FRMPD1: variants seen among roughly 807,000 people sequenced by gnomAD.
The protein encoded by FRMPD1 is FERM and PDZ domain containing 1.
FRMPD1 carries 76 observed loss-of-function variants against 117.8 expected under a neutral mutation model. The ratio of observed to expected loss-of-function variants is 0.65; its 90% CI spans 0.54 to 0.78. The LOEUF (loss-of-function observed/expected upper bound fraction) is 0.78, where lower values mean the gene tolerates loss of function less well. Ranked by LOEUF, FRMPD1 falls within the 30% of genes least tolerant of loss-of-function variation. The pLI, the probability that FRMPD1 is intolerant of heterozygous loss-of-function variation, is 0.00. For synonymous variants in FRMPD1, 783 were observed against 770.4 expected (o/e 1.02, Z -0.27); for missense variants, 1,786 against 1,964.5 (o/e 0.91, Z 1.72).
chr9:37,696,742 A>G (rs1434299307), intron 2 of FRMPD1, among the ~76,000 whole-genome samples: 1 of 152,232 alleles, frequency 6.6e-6, no homozygotes, highest in East Asian at 1.9e-4. Context: ...AGAAGGAAGA[A>G]ACACAGATAT....
Position 37,733,472 on chromosome 9 carries a change from G to C in FRMPD1, c.996-1G>C. The stretch of plus-strand genomic sequence containing the variant: ...TCCTTGTCTCCAATGTCTCATGGCA[G>C]GAAAGACTGGGGAATAGAGAACTTT... On this transcript the variant is annotated splice_acceptor_variant, in intron 10 of 15. Coordinates refer to ENST00000377765, the MANE Select transcript of FRMPD1 (RefSeq NM_014907.3). LOFTEE classifies it high-confidence loss of function. The C allele has an allele frequency of 6.2e-7, 1 of 1,612,786 alleles. No homozygotes were observed. Among genetic ancestry groups the C allele is most frequent in the Non-Finnish European group, 8.5e-7 (1 of 1,179,548 alleles).
intron 10 of FRMPD1, 89 bp downstream of exon 10, chr9:37,732,529 A>G: frequency 3.3e-6 from 4 of 1,217,386 alleles, no homozygotes; most frequent in Non-Finnish European, 3.4e-6. Context: ...GCTGATAGTC[A>G]CCCACCTACC....
intron 2 of FRMPD1, among the ~76,000 whole-genome samples, chr9:37,705,960 AAAAT>A (rs59737991): frequency 0.19 from 25,885 of 138,862 alleles, 2,664 homozygotes; most frequent in Non-Finnish European, 0.24. Context: ...ACCCTCCCTC[AAAAT>A]AAATAAATAA....
upstream of FRMPD1, among the ~76,000 whole-genome samples, chr9:37,646,311 C>A (rs750622667): frequency 6.6e-6 from 1 of 152,188 alleles, no homozygotes; most frequent in Non-Finnish European, 1.5e-5. Context: ...GTAGTAGGCA[C>A]TCAACAATGT....
At chr9:37,637,963 GCTTTCTTTCTTT>G in the FRMPD1 span, among the ~76,000 whole-genome samples, 4,656 of 100,006 alleles carry the variant, frequency 0.047, 552 homozygotes, top group Middle Eastern at 0.071. Context: ...AATGGTGTAT[GCTTTCTTTCTTT>G]CTTTCTTTCT....
intron 1 of FRMPD1, among the ~76,000 whole-genome samples, chr9:37,672,034 T>C (rs1384538028): frequency 6.6e-6 from 1 of 152,124 alleles, no homozygotes; most frequent in Non-Finnish European, 1.5e-5. Context: ...TAGCCTAAGC[T>C]TGCGGGGAGA....
chr9:37,733,102 A>G (rs1823963367), intron 10 of FRMPD1, among the ~76,000 whole-genome samples: 1 of 152,168 alleles, frequency 6.6e-6, no homozygotes, highest in African/African-American at 2.4e-5. Context: ...AGCTTAGCCT[A>G]GGGGATTCAC....
In FRMPD1 at chr9:37,727,898, G is replaced by T. The variant is rs73445170; in HGVS notation, c.613-1830G>T. 976 of 152,358 alleles carry T rather than the reference G, an allele frequency of 6.4e-3. 11 individuals carry two copies. The highest frequency in any genetic ancestry group is 0.022 in the African/African-American group (933 of 41,568). The allele number at this position is 152,358 out of a possible 1,614,324, so 9.4% of individuals were successfully genotyped here. Reference sequence around the variant, plus strand: ...GAGACTTACTGCGTTTGAGGTTCTGGCAGGACATTTATGATTTCTGTTTAC... The same window carrying T: ...GAGACTTACTGCGTTTGAGGTTCTGTCAGGACATTTATGATTTCTGTTTAC... On this transcript the variant is annotated intron_variant, in intron 7 of 15. Transcript: ENST00000377765.
the FRMPD1 span, among the ~76,000 whole-genome samples, chr9:37,635,797 A>G: frequency 1.3e-5 from 2 of 152,212 alleles, no homozygotes; most frequent in Non-Finnish European, 1.5e-5. Context: ...CACATTCCCC[A>G]GAGAAGTAGC....
chr9:37,631,890 C>T, the FRMPD1 span, among the ~76,000 whole-genome samples: 3 of 152,194 alleles, frequency 2.0e-5, no homozygotes, highest in African/African-American at 7.2e-5. Context: ...TAGACATGAG[C>T]CACTGTGCCT....
intron 10 of FRMPD1, 39 bp downstream of exon 10, chr9:37,732,479 C>G (rs774734420): frequency 6.4e-7 from 1 of 1,564,020 alleles, no homozygotes; most frequent in Admixed American, 1.9e-5. Flanking sequence ...GCATTTATAA[C>G]TTGCTGGCCC....
At chr9:37,649,795 C>A (rs533664086), upstream of FRMPD1, among the ~76,000 whole-genome samples, 1 of 152,214 alleles carries the variant, frequency 6.6e-6, no homozygotes, top group Non-Finnish European at 1.5e-5. Context: ...GGTGCAAACT[C>A]CTTGACCAGG....
At chr9:37,721,387 G>A (rs1001435435) in intron 6 of FRMPD1, among the ~76,000 whole-genome samples, 2 of 152,192 alleles carry the variant, frequency 1.3e-5, no homozygotes, top group Non-Finnish European at 2.9e-5. Flanking sequence ...TATTAAGAAG[G>A]ATCTGAGATA....
At chr9:37,678,885 A>G (rs1821625231) in intron 1 of FRMPD1, among the ~76,000 whole-genome samples, 2 of 152,206 alleles carry the variant, frequency 1.3e-5, no homozygotes, top group African/African-American at 4.8e-5. Flanking sequence ...CCCCAGATAG[A>G]CTGCACTTGG....
At chr9:37,650,502 T>C (rs567431953), upstream of FRMPD1, among the ~76,000 whole-genome samples, 1 of 151,424 alleles carries the variant, frequency 6.6e-6, no homozygotes, top group African/African-American at 2.4e-5. Context: ...GCCGAACACC[T>C]GCGGGGCGTG....
intron 4 of FRMPD1, among the ~76,000 whole-genome samples, chr9:37,708,861 T>C (rs1460592537): frequency 6.6e-6 from 1 of 152,214 alleles, no homozygotes; most frequent in African/African-American, 2.4e-5. Context: ...ATGCCAAAGA[T>C]TGAACTAAAT....
At chr9:37,652,593 C>T (rs1338853527) in intron 1 of FRMPD1, among the ~76,000 whole-genome samples, 1 of 152,136 alleles carries the variant, frequency 6.6e-6, no homozygotes, top group African/African-American at 2.4e-5. Flanking sequence ...TGCTTGGTGA[C>T]CAGAGCAGAG....
chr9:37,654,618 G>C (rs62534448), intron 1 of FRMPD1, among the ~76,000 whole-genome samples: 27,305 of 152,160 alleles, frequency 0.18, 2,958 homozygotes, highest in African/African-American at 0.3. Context: ...TTAGAATAGT[G>C]CCAGTTATGT....
intron 15 of FRMPD1, among the ~76,000 whole-genome samples, chr9:37,741,510 A>G (rs1824422111): frequency 1.3e-5 from 2 of 151,522 alleles, no homozygotes; most frequent in African/African-American, 4.9e-5. Flanking sequence ...TGAAGGAAAC[A>G]TATTGGAAAA....
Sources: gnomAD v4.1 joint callset for allele counts (sites outside exome capture counted in the v4.1 genomes callset) on GRCh38, gnomAD v4.1.1 for gene constraint, MANE v1.5 for transcripts, NCBI Gene and HGNC (gene_info 2026-07-23, HGNC 2026-07-21) for gene names.